The following PCDHA6 variants were observed in gnomAD, a reference collection of about 807,000 sequenced individuals.
PCDHA6 encodes protocadherin alpha-6.
PCDHA6 carries 55 observed loss-of-function variants against 60.3 expected under a neutral mutation model. The ratio of observed to expected loss-of-function variants is 0.91; its 90% confidence interval spans 0.73 to 1.14. PCDHA6 has a LOEUF of 1.14. Among genes scored for constraint, PCDHA6 ranks in the 50% most tolerant of loss-of-function variants. The probability of loss-of-function intolerance (pLI) is 0.00; values close to 1 mark genes in which losing one functional copy is unlikely to be tolerated. For missense variants in PCDHA6, 1,327 were observed against 1,256.5 expected, an observed-to-expected ratio of 1.06 and a Z score of -0.85; for synonymous variants, 652 against 557.9, an observed-to-expected ratio of 1.17 and a Z score of -2.38.
At chr5:140,870,178 C>A (rs2051730547) in intron 1 of PCDHA6, 6 of 1,614,096 alleles carry the variant, frequency 3.7e-6, no homozygotes, top group Non-Finnish European at 5.1e-6. Flanking sequence ...CCTCCCAGTA[C>A]GAGAGGACGC....
At position 140,858,438 on chromosome 5, in the gene PCDHA6, TG is replaced by T; in HGVS notation, c.2394+27956del. ...ATTGGAGGGGACCACTCTAGGAAGG[TG>T]GGTTATTACGTTTTCATTTTCCTTT... On this transcript the variant is annotated intron_variant, in intron 1 of 3. Transcript: ENST00000529310. 1 of 1,540,928 alleles carries T rather than the reference TG, an allele frequency of 6.5e-7. No individual in the cohort carries two copies. The highest frequency in any genetic ancestry group is 8.8e-7 in the Non-Finnish European group (1 of 1,134,396).
At chr5:140,849,668 C>T (rs1208078689) in intron 1 of PCDHA6, 1 of 1,598,736 alleles carries the variant, frequency 6.3e-7, no homozygotes, top group Non-Finnish European at 8.6e-7. Flanking sequence ...CCCTGACGCC[C>T]CACGTCCCCT....
At chr5:140,842,039 C>A (rs2150327781) in intron 1 of PCDHA6, 4 of 1,613,698 alleles carry the variant, frequency 2.5e-6, no homozygotes, top group Admixed American at 3.3e-5. Flanking sequence ...TGATAATGCT[C>A]CCACTTTCGA....
At position 140,974,381 on chromosome 5, in the gene PCDHA6, G is replaced by A. The variant is rs782006620; in HGVS notation, c.2395-4568G>A. 3.3e-5 allele frequency among the ~76,000 whole-genome samples: 5 copies of A among 152,272 alleles called. No homozygotes were observed. In the East Asian group the frequency reaches 7.7e-4, roughly 23 times the overall value. On this transcript the variant is annotated intron_variant, in intron 1 of 3. Transcript: ENST00000529310. ...AGACCTAGCACTTTCTGTTGTACTG[G>A]AACCCATTAGGTATGTTCTAAAGTT...
chr5:140,876,964 C>G, intron 1 of PCDHA6: 2 of 1,613,060 alleles, frequency 1.2e-6, no homozygotes, highest in Non-Finnish European at 1.7e-6. Context: ...GGTGGAGCGG[C>G]GGGTGGGCGA....
chr5:140,927,564 G>A (rs868927450), intron 1 of PCDHA6: 1 of 1,614,150 alleles, frequency 6.2e-7, no homozygotes, highest in South Asian at 1.1e-5. Context: ...TCATTGTGGT[G>A]GACACAAATG....
At chr5:140,852,257 T>G (rs1417638818) in intron 1 of PCDHA6, 1 of 512,112 alleles carries the variant, frequency 2.0e-6, no homozygotes, top group Non-Finnish European at 2.6e-6. Context: ...TTTTGGAATA[T>G]GCTACAATAT....
chr5:140,996,283 C>T (rs2097719869), intron 3 of PCDHA6, among the ~76,000 whole-genome samples: 1 of 152,172 alleles, frequency 6.6e-6, no homozygotes, highest in African/African-American at 2.4e-5. Context: ...TGCCAAATTT[C>T]AAGAAGCACA....
At chr5:140,967,876 G>C (rs369514758) in intron 1 of PCDHA6, 1 of 1,614,144 alleles carries the variant, frequency 6.2e-7, no homozygotes, top group Non-Finnish European at 8.5e-7. Flanking sequence ...TCACGGACCT[G>C]TATAGCCCAG....
chr5:140,893,922 G>C (rs1179113151), intron 1 of PCDHA6, among the ~76,000 whole-genome samples: 4 of 152,156 alleles, frequency 2.6e-5, no homozygotes. Context: ...GTCTTTTTCA[G>C]AATCTCTACC....
At chr5:140,994,631 G>A (rs978359081) in intron 3 of PCDHA6, among the ~76,000 whole-genome samples, 1 of 152,106 alleles carries the variant, frequency 6.6e-6, no homozygotes, top group Non-Finnish European at 1.5e-5. Flanking sequence ...CTTGAACCTG[G>A]AAGGTGGAGG....
At chr5:140,946,032 A>C (rs1440402875) in intron 1 of PCDHA6, among the ~76,000 whole-genome samples, 2 of 152,102 alleles carry the variant, frequency 1.3e-5, no homozygotes, top group Admixed American at 1.3e-4. Flanking sequence ...AGAAAACAAG[A>C]GTGAAGGGAC....
chr5:140,834,270 C>T (rs2150214747), intron 1 of PCDHA6: 4 of 1,049,694 alleles, frequency 3.8e-6, no homozygotes, highest in Non-Finnish European at 5.6e-6. Flanking sequence ...CTCTCTTTCA[C>T]TCTTTGGATG....
At chr5:140,857,330 G>A in intron 1 of PCDHA6, 1 of 1,598,660 alleles carries the variant, frequency 6.3e-7, no homozygotes, top group South Asian at 1.1e-5. Context: ...GACCGCGCGG[G>A]ACGGGGGCTC....
At chr5:140,977,141 C>T (rs1264237183) in intron 1 of PCDHA6, among the ~76,000 whole-genome samples, 1 of 152,204 alleles carries the variant, frequency 6.6e-6, no homozygotes, top group Non-Finnish European at 1.5e-5. Flanking sequence ...GTCAGTCCTG[C>T]TGGAACTGTG....
chr5:140,885,924 TTATC>T lies in PCDHA6; in HGVS notation c.2394+55443_2394+55446del, dbSNP rs554293197. Among the ~76,000 whole-genome samples the T allele has an allele frequency of 1.1e-3, 168 of 152,304 alleles. 1 individual carries two copies. The highest frequency in any genetic ancestry group is 9.9e-3 in the South Asian group (48 of 4,826). ...TCTGTACCTTATAGATATTAACTGT[TTATC>T]TATTTTTTGACATTTTTAATTAAAA... On this transcript the variant is annotated intron_variant, in intron 1 of 3. Coordinates refer to ENST00000529310, the MANE Select transcript of PCDHA6 (RefSeq NM_018909.4).
rs1278959274 is a variant in PCDHA6, at chr5:140,828,251, C to T, written c.160C>T (p.Leu54=). 3.7e-6 allele frequency: 6 copies of T among 1,614,002 alleles called. No homozygotes were observed. Among genetic ancestry groups the T allele is most frequent in the Non-Finnish European group, 5.1e-6 (6 of 1,180,056 alleles). The change falls in exon 1 of 4, where the codon CTG becomes TTG. Residue 54 remains leucine, a synonymous_variant. Transcript: ENST00000529310. ...FVGRIAQDLG[L]ELAELVPRLF... ...GGGCCGGATCGCGCAGGACCTGGGG[C>T]TGGAGCTGGCGGAGCTGGTGCCGCG...
chr5:140,975,841 G>T (rs1389959509), intron 1 of PCDHA6, among the ~76,000 whole-genome samples: 1 of 152,066 alleles, frequency 6.6e-6, no homozygotes, highest in Non-Finnish European at 1.5e-5. Context: ...TTATTCTTCA[G>T]TAATACTACA....
intron 3 of PCDHA6, among the ~76,000 whole-genome samples, chr5:140,986,050 T>G (rs1221001446): frequency 6.6e-6 from 1 of 152,226 alleles, no homozygotes; most frequent in Non-Finnish European, 1.5e-5. Flanking sequence ...CACTGATGAA[T>G]TCTTTTGCTT....
Sources: allele counts gnomAD v4.1 joint callset (sites outside exome capture counted in the v4.1 genomes callset), GRCh38; gene constraint gnomAD v4.1.1; transcripts MANE v1.5; gene names NCBI Gene and HGNC (gene_info 2026-07-23, HGNC 2026-07-21).